Variants in ST6GALNAC3 observed in about 807,000 individuals in gnomAD.
ST6GALNAC3 encodes ST6 N-acetylgalactosaminide alpha-2,6-sialyltransferase 3, also known as alpha-N-acetylgalactosaminide alpha-2,6-sialyltransferase 3.
Under a neutral mutation model 32.7 loss-of-function variants are expected in ST6GALNAC3, and 25 were observed. The observed-to-expected ratio is 0.76, with a 90% confidence interval of 0.56 to 1.07. The LOEUF (loss-of-function observed/expected upper bound fraction) is 1.07. Ranked by LOEUF, ST6GALNAC3 falls within the 50% of genes least tolerant of loss-of-function variation. The probability of loss-of-function intolerance (pLI) is 0.00; values close to 1 mark genes in which losing one functional copy is unlikely to be tolerated. For missense variants in ST6GALNAC3, 355 were observed against 382.4 expected, an observed-to-expected ratio of 0.93 and a Z score of 0.60; for synonymous variants, 129 against 133.1, an observed-to-expected ratio of 0.97 and a Z score of 0.21.
intron 3 of ST6GALNAC3, among the ~76,000 whole-genome samples, chr1:76,486,584 C>A (rs1017016760): frequency 5.3e-5 from 8 of 151,986 alleles, no homozygotes; most frequent in Admixed American, 2.6e-4. Context: ...CTTGATAGAT[C>A]TTCTGCCATC....
At chr1:76,636,969 G>C (rs1649519674), downstream of ST6GALNAC3, 1 of 152,138 alleles carries the variant, frequency 6.6e-6, no homozygotes, top group African/African-American at 2.4e-5. Flanking sequence ...CTTTCTAAGA[G>C]TTGTAATTGA....
chr1:76,212,150 A>G (rs1277135419), intron 1 of ST6GALNAC3, among the ~76,000 whole-genome samples: 2 of 152,164 alleles, frequency 1.3e-5, no homozygotes. Context: ...GAGCTATGTT[A>G]AAGACTTCAT....
chr1:76,600,249 C>A (rs1167310751), intron 3 of ST6GALNAC3, among the ~76,000 whole-genome samples: 1 of 152,164 alleles, frequency 6.6e-6, no homozygotes, highest in Non-Finnish European at 1.5e-5. Context: ...AGGACTCAAC[C>A]ATGTAGGCAC....
At chr1:76,601,640 A>G (rs1464061089) in intron 3 of ST6GALNAC3, among the ~76,000 whole-genome samples, 1 of 152,230 alleles carries the variant, frequency 6.6e-6, no homozygotes, top group Non-Finnish European at 1.5e-5. Context: ...CTAATGAGGT[A>G]GGGATAATAA....
intron 3 of ST6GALNAC3, among the ~76,000 whole-genome samples, chr1:76,548,490 A>G (rs1664427945): frequency 6.6e-6 from 1 of 151,954 alleles, no homozygotes; most frequent in South Asian, 2.1e-4. Context: ...TATATGCTTC[A>G]CCCCAGCATC....
intron 1 of ST6GALNAC3, among the ~76,000 whole-genome samples, chr1:76,277,310 A>G (rs543734374): frequency 2.6e-5 from 4 of 151,972 alleles, no homozygotes; most frequent in African/African-American, 7.2e-5. Context: ...GTACTGATAT[A>G]TTTGGGCAGT....
chr1:76,403,801 AT>A (rs1653609676), intron 2 of ST6GALNAC3, among the ~76,000 whole-genome samples: 2 of 152,092 alleles, frequency 1.3e-5, no homozygotes, highest in Admixed American at 1.3e-4. Context: ...GGAGAAAAAA[AT>A]AATCAAGAGG....
At chr1:76,207,702 G>T (rs575582601) in intron 1 of ST6GALNAC3, among the ~76,000 whole-genome samples, 1 of 152,190 alleles carries the variant, frequency 6.6e-6, no homozygotes, top group Non-Finnish European at 1.5e-5. Flanking sequence ...TTACTTAATA[G>T]CATTACTAAG....
At chr1:76,400,510 C>T (rs6686196) in intron 2 of ST6GALNAC3, among the ~76,000 whole-genome samples, 139,531 of 152,174 alleles carry the variant, frequency 0.92, 65,121 homozygotes, top group East Asian at 1. Flanking sequence ...AGTGGGCCTG[C>T]CTCTTCAGGA....
At chr1:76,596,189 T>C (rs911256014) in intron 3 of ST6GALNAC3, among the ~76,000 whole-genome samples, 1 of 152,182 alleles carries the variant, frequency 6.6e-6, no homozygotes, top group Non-Finnish European at 1.5e-5. Context: ...GACCTCCTGC[T>C]TTAGCTTTGT....
At chr1:76,607,545 T>C (rs1647641267) in intron 3 of ST6GALNAC3, among the ~76,000 whole-genome samples, 1 of 152,186 alleles carries the variant, frequency 6.6e-6, no homozygotes, top group Admixed American at 6.6e-5. Flanking sequence ...AGTGCTTGTA[T>C]CAGAAACTAG....
chr1:76,182,716 A>G (rs192638672), intron 1 of ST6GALNAC3, among the ~76,000 whole-genome samples: 8 of 152,324 alleles, frequency 5.3e-5, no homozygotes, highest in African/African-American at 1.4e-4. Context: ...ACATAAACAA[A>G]GCGATTTTTT....
Position 76,368,304 on chromosome 1 carries a change from T to C in ST6GALNAC3, c.214-43704T>C, listed in dbSNP as rs188751716. 3.3e-5 allele frequency among the ~76,000 whole-genome samples: 5 copies of C among 152,366 alleles called. No homozygotes were observed. The East Asian group carries it at 9.6e-4, about 29-fold the overall frequency. ...GCAGTGGTCCCAGGCCATAGTTTGC[T>C]GATCCCTGCTCTCAACAATCCTTTA... On this transcript the variant is annotated intron_variant, in intron 2 of 4. Transcript: ENST00000328299.
chr1:76,273,999 T>C (rs1344625045), intron 1 of ST6GALNAC3, among the ~76,000 whole-genome samples: 1 of 152,144 alleles, frequency 6.6e-6, no homozygotes, highest in African/African-American at 2.4e-5. Context: ...CTTTGGAGTA[T>C]ACATAAAACT....
chr1:76,390,063 C>A (rs377671520), intron 2 of ST6GALNAC3, among the ~76,000 whole-genome samples: 2 of 152,134 alleles, frequency 1.3e-5, no homozygotes, highest in Non-Finnish European at 2.9e-5. Flanking sequence ...TATCTGTATA[C>A]TTATCGTTTT....
chr1:76,607,855 C>A (rs1192958540), intron 3 of ST6GALNAC3, among the ~76,000 whole-genome samples: 1 of 152,148 alleles, frequency 6.6e-6, no homozygotes, highest in Non-Finnish European at 1.5e-5. Flanking sequence ...CTGATTCTGA[C>A]TCAGCAGTCC....
intron 1 of ST6GALNAC3, among the ~76,000 whole-genome samples, chr1:76,075,347 G>C (rs1187437522): frequency 6.6e-6 from 1 of 151,760 alleles, no homozygotes; most frequent in East Asian, 1.9e-4. Context: ...TTGATCATGT[G>C]AAGACAGAAA....
At position 76,412,296 on chromosome 1, in the gene ST6GALNAC3, A is replaced by T; in HGVS notation, c.502A>T (p.Ile168Phe). The change falls in exon 3 of 5, where the codon ATC becomes TTC. Residue 168 changes from isoleucine (I) to phenylalanine (F), a missense_variant. Physicochemically the swap from Ile to Phe is conservative, Grantham distance 21. Transcript: ENST00000328299. ...CAATATGAGGAAAGATGGCAATGGC[A>T]TCGTTTACAACATGTTGAAAAAGAC... ...FRNMRKDGNG[I>F]VYNMLKKTVG... The T allele has an allele frequency of 6.2e-7, 1 of 1,613,746 alleles. No individual in the cohort carries two copies. Among genetic ancestry groups the T allele is most frequent in the Non-Finnish European group, 8.5e-7 (1 of 1,179,808 alleles).
intron 1 of ST6GALNAC3, among the ~76,000 whole-genome samples, chr1:76,212,544 C>G (rs1341011708): frequency 3.3e-5 from 5 of 152,012 alleles, no homozygotes; most frequent in Non-Finnish European, 7.4e-5. Flanking sequence ...GAGTTTGAAG[C>G]CTTAGTTTTT....
Sources: allele counts gnomAD v4.1 joint callset (sites outside exome capture counted in the v4.1 genomes callset), GRCh38; gene constraint gnomAD v4.1.1; transcripts MANE v1.5; gene names NCBI Gene and HGNC (gene_info 2026-07-23, HGNC 2026-07-21).